KCND2: variants seen among roughly 807,000 people sequenced by gnomAD.
The protein encoded by KCND2 is potassium voltage-gated channel subfamily D member 2.
A neutral mutation model predicts 54.4 loss-of-function variants in KCND2; 16 were observed. The observed-to-expected ratio is 0.29, with a 90% CI of 0.20 to 0.45. The LOEUF is 0.45. KCND2 is among the 20% of genes least tolerant of loss of function. The probability of loss-of-function intolerance (pLI) is 1.00; values close to 1 mark genes in which losing one functional copy is unlikely to be tolerated. For synonymous variants in KCND2, 317 were observed against 310.7 expected, an observed-to-expected ratio of 1.02 and a Z score of -0.21; for missense variants, 486 against 824.2, an observed-to-expected ratio of 0.59 and a Z score of 5.02.
At chr7:120,682,839 A>G (rs1295447398) in intron 1 of KCND2, among the ~76,000 whole-genome samples, 1 of 152,164 alleles carries the variant, frequency 6.6e-6, no homozygotes, top group Non-Finnish European at 1.5e-5. Context: ...TCAGCAACTT[A>G]AGAATGCTTG....
At chr7:120,472,763 G>A (rs185233355) in intron 1 of KCND2, among the ~76,000 whole-genome samples, 174 of 152,270 alleles carry the variant, frequency 1.1e-3, no homozygotes, top group Non-Finnish European at 2.1e-3. Flanking sequence ...ATGAACAATG[G>A]CAGATCGAGG....
At chr7:120,666,883 C>A (rs4730971) in intron 1 of KCND2, among the ~76,000 whole-genome samples, 58,052 of 151,804 alleles carry the variant, frequency 0.38, 13,303 homozygotes, top group African/African-American at 0.62. Context: ...GGAAATTAAG[C>A]GTAAAGAAAT....
chr7:120,735,063 T>G (rs576382571), intron 2 of KCND2, among the ~76,000 whole-genome samples: 110 of 152,224 alleles, frequency 7.2e-4, no homozygotes, highest in African/African-American at 2.6e-3. Flanking sequence ...TTTCAAGCTC[T>G]GTAGTTACTT....
At chr7:120,594,294 G>A (rs2116461979) in intron 1 of KCND2, among the ~76,000 whole-genome samples, 1 of 152,302 alleles carries the variant, frequency 6.6e-6, no homozygotes, top group African/African-American at 2.4e-5. Context: ...GGTAGATAGT[G>A]GAACCCCCTT....
chr7:120,479,872 C>T (rs1802580238), intron 1 of KCND2, among the ~76,000 whole-genome samples: 1 of 144,638 alleles, frequency 6.9e-6, no homozygotes, highest in South Asian at 2.1e-4. Flanking sequence ...GTGGCTGAAG[C>T]ACAAGAATCA....
intron 1 of KCND2, among the ~76,000 whole-genome samples, chr7:120,675,499 G>A (rs1792049083): frequency 6.6e-6 from 1 of 151,774 alleles, no homozygotes; most frequent in Non-Finnish European, 1.5e-5. Flanking sequence ...GCCTCCCGAA[G>A]TGCTGGGATT....
intron 1 of KCND2, among the ~76,000 whole-genome samples, chr7:120,625,606 T>C (rs189748444): frequency 1.3e-5 from 2 of 152,270 alleles, no homozygotes; most frequent in East Asian, 3.9e-4. Context: ...GAGTTATTAC[T>C]TGTGGAATTT....
At chr7:120,337,226 CTTTTTA>C (rs1800164713) in intron 1 of KCND2, among the ~76,000 whole-genome samples, 2 of 151,894 alleles carry the variant, frequency 1.3e-5, no homozygotes, top group Non-Finnish European at 2.9e-5. Context: ...AAATAAGATT[CTTTTTA>C]TTTATTTAGT....
intron 1 of KCND2, among the ~76,000 whole-genome samples, chr7:120,578,648 G>A (rs1308103234): frequency 1.3e-5 from 2 of 152,080 alleles, no homozygotes; most frequent in East Asian, 1.9e-4. Flanking sequence ...GGAAGATCAC[G>A]AGGTCAGGAG....
Position 120,718,806 on chromosome 7 carries a change from G to C in KCND2, c.1116-14097G>C, listed in dbSNP as rs560946839. Among the ~76,000 whole-genome samples, 3 of 152,280 alleles carry C rather than the reference G, an allele frequency of 2.0e-5. No homozygotes were observed. The South Asian group carries it at 6.2e-4, about 32-fold the overall frequency. On this transcript the variant is annotated intron_variant, in intron 1 of 5. Transcript: ENST00000331113. ...GGGTGAATAGCAGAGACATAAATGAGATAATTAACAGTTGTTTTCAGGAGG... is the reference window on the plus strand; with the variant it reads ...GGGTGAATAGCAGAGACATAAATGACATAATTAACAGTTGTTTTCAGGAGG...
intron 1 of KCND2, among the ~76,000 whole-genome samples, chr7:120,566,219 A>T (rs1792295351): frequency 6.6e-6 from 1 of 152,256 alleles, no homozygotes; most frequent in Non-Finnish European, 1.5e-5. Flanking sequence ...GAAATGATTA[A>T]TAGGGAAAAG....
intron 1 of KCND2, among the ~76,000 whole-genome samples, chr7:120,473,383 C>G (rs1802488045): frequency 6.6e-6 from 1 of 152,136 alleles, no homozygotes. Flanking sequence ...GGATTTCGGT[C>G]CGGTTTTGTG....
intron 1 of KCND2, among the ~76,000 whole-genome samples, chr7:120,682,780 G>A (rs1792155741): frequency 6.6e-6 from 1 of 152,146 alleles, no homozygotes; most frequent in African/African-American, 2.4e-5. Flanking sequence ...ACAGTTGTTT[G>A]TTGTCTCTCT....
intron 1 of KCND2, among the ~76,000 whole-genome samples, chr7:120,559,136 C>G (rs968117106): frequency 6.6e-6 from 1 of 151,994 alleles, no homozygotes; most frequent in African/African-American, 2.4e-5. Context: ...GTTGAAGCAC[C>G]TTTTATGAGA....
chr7:120,539,758 G>T (rs910775571), intron 1 of KCND2, among the ~76,000 whole-genome samples: 1 of 151,850 alleles, frequency 6.6e-6, no homozygotes, highest in Non-Finnish European at 1.5e-5. Flanking sequence ...ATTTTTTGTG[G>T]CAAAAGCACA....
intron 1 of KCND2, among the ~76,000 whole-genome samples, chr7:120,561,159 AT>A (rs1792227783): frequency 1.3e-5 from 2 of 152,240 alleles, no homozygotes; most frequent in Admixed American, 1.3e-4. Flanking sequence ...ATTTTATGAC[AT>A]TAATCCATTA....
chr7:120,491,409 T>C (rs1028099881), intron 1 of KCND2, among the ~76,000 whole-genome samples: 15 of 152,174 alleles, frequency 9.9e-5, no homozygotes, highest in Non-Finnish European at 2.1e-4. Context: ...TAGAAAGGTT[T>C]TCTAGCATTA....
intron 4 of KCND2, among the ~76,000 whole-genome samples, chr7:120,743,036 A>G (rs868639665): frequency 4.6e-5 from 7 of 152,198 alleles, no homozygotes; most frequent in African/African-American, 1.4e-4. Flanking sequence ...GAATATAAGC[A>G]TTTGTTTCAT....
intron 1 of KCND2, among the ~76,000 whole-genome samples, chr7:120,465,112 G>A (rs2116248426): frequency 6.6e-6 from 1 of 152,250 alleles, no homozygotes; most frequent in East Asian, 1.9e-4. Context: ...TTTTACAGAG[G>A]TAGGTAGGAT....
Sources: allele counts gnomAD v4.1 joint callset (sites outside exome capture counted in the v4.1 genomes callset), GRCh38; gene constraint gnomAD v4.1.1; transcripts MANE v1.5; gene names NCBI Gene and HGNC (gene_info 2026-07-23, HGNC 2026-07-21).